The following ARHGAP26 variants were observed in gnomAD, a reference collection of about 807,000 sequenced individuals.
ARHGAP26 encodes the protein Rho GTPase activating protein 26.
ARHGAP26 carries 38 observed loss-of-function variants against 104.8 expected under a neutral mutation model. The observed-to-expected ratio is 0.36, with a 90% CI of 0.28 to 0.48. ARHGAP26 has a LOEUF of 0.48. Among genes scored for constraint, ARHGAP26 ranks in the 20% least tolerant of loss-of-function variants. The pLI, the probability that ARHGAP26 is intolerant of heterozygous loss-of-function variation, is 0.99. For synonymous variants in ARHGAP26, 341 were observed against 340.0 expected (o/e 1.00, Z -0.03); for missense variants, 704 against 947.9 (o/e 0.74, Z 3.38).
Position 142,800,773 on chromosome 5 carries a change from C to T in ARHGAP26, c.154+29858C>T, listed in dbSNP as rs58066344. ...AACTATTCTCGTGAACCTGGCAGCACGTTCTCTTGTGCTCACGTGTGATTT... is the reference window on the plus strand; with the variant it reads ...AACTATTCTCGTGAACCTGGCAGCATGTTCTCTTGTGCTCACGTGTGATTT... On this transcript the variant is annotated intron_variant, in intron 1 of 22. Transcript: ENST00000645722. Among the ~76,000 whole-genome samples, 1,352 of 152,326 alleles carry T rather than the reference C, an allele frequency of 8.9e-3. 40 individuals carry two copies. Among genetic ancestry groups the T allele is most frequent in the East Asian group, 0.065 (337 of 5,184 alleles).
At chr5:143,044,486 GC>G (rs1352518001) in intron 14 of ARHGAP26, among the ~76,000 whole-genome samples, 2 of 150,788 alleles carry the variant, frequency 1.3e-5, no homozygotes, top group Non-Finnish European at 2.9e-5. Context: ...TCAGTATGGG[GC>G]CATTCACATG....
chr5:142,864,563 G>C lies in ARHGAP26; in HGVS notation c.155-8837G>C, dbSNP rs143361733. 4.3e-3 allele frequency among the ~76,000 whole-genome samples: 648 copies of C among 152,316 alleles called. 3 individuals are homozygous for C. The Middle Eastern group carries it at 0.048, about 11-fold the overall frequency. Reference sequence around the variant, plus strand: ...CAGGTGTGTTTTTAGTAGTTCACAAGAATGGGGTTGATCTGGTGACTCAAT... The same window carrying C: ...CAGGTGTGTTTTTAGTAGTTCACAACAATGGGGTTGATCTGGTGACTCAAT... On this transcript the variant is annotated intron_variant, in intron 1 of 22. Transcript: ENST00000645722.
intron 14 of ARHGAP26, among the ~76,000 whole-genome samples, chr5:143,044,822 T>G (rs1392122439): frequency 2.0e-5 from 3 of 152,194 alleles, no homozygotes; most frequent in African/African-American, 7.2e-5. Context: ...TTGGTTGTAA[T>G]AGATCAGGCA....
intron 20 of ARHGAP26, among the ~76,000 whole-genome samples, chr5:143,159,027 G>A (rs190152330): frequency 3.3e-5 from 5 of 152,218 alleles, no homozygotes; most frequent in African/African-American, 1.2e-4. Flanking sequence ...AGATAGTAGA[G>A]TAAGCCAGGG....
At chr5:143,127,060 T>C (rs1252014872) in intron 18 of ARHGAP26, among the ~76,000 whole-genome samples, 1 of 152,226 alleles carries the variant, frequency 6.6e-6, no homozygotes, top group Admixed American at 6.5e-5. Context: ...TACAAGGTTT[T>C]CCCTTTACTT....
At chr5:143,128,980 T>C (rs1328488950) in intron 18 of ARHGAP26, among the ~76,000 whole-genome samples, 3 of 152,188 alleles carry the variant, frequency 2.0e-5, no homozygotes, top group Non-Finnish European at 4.4e-5. Context: ...CCTAATCCTT[T>C]TAAATTGCAG....
intron 12 of ARHGAP26, among the ~76,000 whole-genome samples, chr5:143,029,340 A>T (rs1781516658): frequency 6.7e-6 from 1 of 150,002 alleles, no homozygotes; most frequent in South Asian, 2.1e-4. Context: ...CAGCAACTCG[A>T]CAATTTCCTG....
At chr5:143,101,758 C>T (rs545555859) in intron 17 of ARHGAP26, among the ~76,000 whole-genome samples, 30 of 151,362 alleles carry the variant, frequency 2.0e-4, no homozygotes, top group Non-Finnish European at 3.7e-4. Flanking sequence ...ATGGAAATGT[C>T]GACATTTCAA....
At chr5:142,799,671 G>A (rs1202482430) in intron 1 of ARHGAP26, among the ~76,000 whole-genome samples, 2 of 152,202 alleles carry the variant, frequency 1.3e-5, no homozygotes, top group Non-Finnish European at 2.9e-5. Context: ...ATCTGGTGAG[G>A]AGGGGTCTGC....
intron 18 of ARHGAP26, among the ~76,000 whole-genome samples, chr5:143,129,234 A>C (rs1797051499): frequency 6.6e-6 from 1 of 152,236 alleles, no homozygotes; most frequent in Non-Finnish European, 1.5e-5. Context: ...TTAAATCCTC[A>C]TGTCCTGACT....
At chr5:143,091,083 A>C (rs561388141) in intron 17 of ARHGAP26, among the ~76,000 whole-genome samples, 28 of 152,356 alleles carry the variant, frequency 1.8e-4, no homozygotes, top group Non-Finnish European at 3.2e-4. Context: ...GAGTAATAGA[A>C]TAGATGAATG....
At chr5:142,947,030 T>C (rs1195402848) in intron 11 of ARHGAP26, 1 of 148,980 alleles carries the variant, frequency 6.7e-6, no homozygotes, top group Non-Finnish European at 1.5e-5. Flanking sequence ...CCACGCTCTG[T>C]GTGGTCTTGA....
At chr5:143,074,050 C>T (rs961897789) in intron 17 of ARHGAP26, among the ~76,000 whole-genome samples, 10 of 152,086 alleles carry the variant, frequency 6.6e-5, no homozygotes, top group Admixed American at 6.5e-4. Flanking sequence ...TACATTTTAG[C>T]AATGTAGAAA....
At chr5:143,213,420 C>A (rs1809827172) in intron 21 of ARHGAP26, among the ~76,000 whole-genome samples, 1 of 124,376 alleles carries the variant, frequency 8.0e-6, no homozygotes, top group Non-Finnish European at 1.6e-5. Flanking sequence ...TCTATTCCCT[C>A]CCCTGGGGGT....
intron 19 of ARHGAP26, among the ~76,000 whole-genome samples, chr5:143,136,000 T>G (rs183610794): frequency 6.6e-6 from 1 of 152,236 alleles, no homozygotes; most frequent in African/African-American, 2.4e-5. Context: ...TGGGGTAATG[T>G]GCTTCTCAGG....
intron 11 of ARHGAP26, among the ~76,000 whole-genome samples, chr5:142,966,186 ACT>A (rs933884542): frequency 6.6e-6 from 1 of 151,600 alleles, no homozygotes; most frequent in African/African-American, 2.4e-5. Flanking sequence ...ACATAGGAAA[ACT>A]CTCCTAATCG....
chr5:143,056,092 T>A lies in ARHGAP26; in HGVS notation c.1432+6T>A. 6.2e-7 allele frequency: 1 copy of A among 1,611,096 alleles called. No individual in the cohort carries two copies. The highest frequency in any genetic ancestry group is 8.5e-7 in the Non-Finnish European group (1 of 1,177,728). ...AAGTTTCATCAAAGCAGCAAGTAAG[T>A]CTTTTTTGTCTCAGTTTTAAGGGGA... On this transcript the variant is annotated splice_donor_region_variant and intron_variant, in intron 16 of 22. Coordinates refer to ENST00000645722, the MANE Select transcript of ARHGAP26 (RefSeq NM_001135608.3).
intron 13 of ARHGAP26, 94 bp from the exon 14 acceptor site, chr5:143,041,722 G>GAAAAAAAAA (rs34295120): frequency 3.1e-6 from 2 of 642,998 alleles, no homozygotes. Flanking sequence ...CTGAGAAAAT[G>GAAAAAAAAA]AAAAAAAAAA....
In ARHGAP26 at chr5:143,187,671, A is replaced by G. The variant is rs59877334; in HGVS notation, c.1989-19527A>G. ...GCCTGAGGTCAGGCGGAGCACCAGCACTTTCTGGCTCTTAGAAAATGACTC... is the reference window on the plus strand; with the variant it reads ...GCCTGAGGTCAGGCGGAGCACCAGCGCTTTCTGGCTCTTAGAAAATGACTC... On this transcript the variant is annotated intron_variant, in intron 20 of 22. Transcript: ENST00000645722. Among the ~76,000 whole-genome samples the G allele has an allele frequency of 1.7e-3, 266 of 152,354 alleles. 1 individual carries two copies. Among genetic ancestry groups the G allele is most frequent in the African/African-American group, 5.3e-3 (220 of 41,586 alleles).
Sources: allele counts gnomAD v4.1 joint callset (sites outside exome capture counted in the v4.1 genomes callset), GRCh38; gene constraint gnomAD v4.1.1; transcripts MANE v1.5; gene names NCBI Gene and HGNC (gene_info 2026-07-23, HGNC 2026-07-21).